RGS6: variants seen among roughly 807,000 people sequenced by gnomAD.
RGS6 encodes regulator of G-protein signaling 6.
RGS6 carries 30 observed loss-of-function variants against 78.5 expected under a neutral mutation model. That is an observed-to-expected ratio of 0.38 (90% CI 0.29 to 0.52). RGS6 has a LOEUF of 0.52. Among genes scored for constraint, RGS6 ranks in the 20% least tolerant of loss-of-function variants. The pLI is 0.85. For synonymous variants in RGS6, 206 were observed against 206.0 expected, an observed-to-expected ratio of 1.00 and a Z score of 0.00; for missense variants, 495 against 609.7, an observed-to-expected ratio of 0.81 and a Z score of 1.98.
chr14:72,255,477 G>T (rs2056876820), intron 2 of RGS6, among the ~76,000 whole-genome samples: 1 of 152,224 alleles, frequency 6.6e-6, no homozygotes, highest in Non-Finnish European at 1.5e-5. Flanking sequence ...TTACATTTAT[G>T]TTTCATTTTG....
chr14:72,269,668 G>T (rs147632590), intron 2 of RGS6, among the ~76,000 whole-genome samples: 1 of 149,764 alleles, frequency 6.7e-6, no homozygotes, highest in African/African-American at 2.5e-5. Context: ...GGGCTCAAGG[G>T]ATTCTCCTGC....
rs911633429 is a variant in RGS6 at position 72,062,747 on chromosome 14, G to T, written c.84+97872G>T. On this transcript the variant is annotated intron_variant, in intron 2 of 17. Transcript: ENST00000553525. Reference sequence around the variant, plus strand: ...GCATATGTGAGCCTGGACTTCAGGGGAAAGTTTAGGACTGGAGATAGGCGG... The same window carrying T: ...GCATATGTGAGCCTGGACTTCAGGGTAAAGTTTAGGACTGGAGATAGGCGG... Among the ~76,000 whole-genome samples the T allele has an allele frequency of 7.9e-5, 12 of 152,218 alleles. 1 individual carries two copies. Among genetic ancestry groups the T allele is most frequent in the African/African-American group, 2.4e-5 (1 of 41,460 alleles).
chr14:72,244,396 T>C (rs1458380995), intron 2 of RGS6, among the ~76,000 whole-genome samples: 1 of 152,106 alleles, frequency 6.6e-6, no homozygotes, highest in East Asian at 1.9e-4. Flanking sequence ...ACAGGGATGA[T>C]ATCATAGCCC....
At chr14:71,925,742 G>A in the RGS6 span, among the ~76,000 whole-genome samples, 3 of 86,900 alleles carry the variant, frequency 3.5e-5, no homozygotes, top group African/African-American at 1.8e-4. Flanking sequence ...TATATTATAA[G>A]GTTTATTTCC....
intron 2 of RGS6, among the ~76,000 whole-genome samples, chr14:72,302,387 A>G (rs1037469361): frequency 6.6e-6 from 1 of 152,228 alleles, no homozygotes; most frequent in Non-Finnish European, 1.5e-5. Context: ...GAGCATCACT[A>G]TATAAATTCT....
At chr14:72,478,367 AT>A in intron 12 of RGS6, 38 bp downstream of exon 12, 1 of 1,353,288 alleles carries the variant, frequency 7.4e-7, no homozygotes, top group Non-Finnish European at 1.1e-6. Context: ...CTTTCTTCTA[AT>A]TTAACAGGGA....
At chr14:72,123,439 C>G (rs1406731469) in intron 2 of RGS6, among the ~76,000 whole-genome samples, 1 of 152,084 alleles carries the variant, frequency 6.6e-6, no homozygotes, top group Non-Finnish European at 1.5e-5. Context: ...GAAGCTATTT[C>G]TTATTTCTCC....
intron 1 of RGS6, among the ~76,000 whole-genome samples, chr14:71,945,359 C>T (rs2159457): frequency 0.13 from 19,747 of 152,130 alleles, 1,572 homozygotes; most frequent in East Asian, 0.19. Flanking sequence ...CTGATTCATA[C>T]TAATTGTTTA....
chr14:72,278,696 C>T (rs1395568270), intron 2 of RGS6, among the ~76,000 whole-genome samples: 1 of 152,158 alleles, frequency 6.6e-6, no homozygotes, highest in Non-Finnish European at 1.5e-5. Flanking sequence ...GGTCTGCCAT[C>T]TTCATTAAGC....
intron 2 of RGS6, among the ~76,000 whole-genome samples, chr14:72,311,749 T>C (rs998157242): frequency 1.3e-5 from 2 of 152,146 alleles, no homozygotes; most frequent in African/African-American, 4.8e-5. Context: ...CACTGTTGGG[T>C]TTTATTGCCA....
chr14:72,276,458 G>A, intron 2 of RGS6, among the ~76,000 whole-genome samples: 1 of 152,144 alleles, frequency 6.6e-6, no homozygotes, highest in East Asian at 1.9e-4. Context: ...TCATATGGAG[G>A]TAGTTGGGAA....
chr14:72,332,187 G>T (rs1384207638), intron 2 of RGS6, among the ~76,000 whole-genome samples: 2 of 152,168 alleles, frequency 1.3e-5, no homozygotes, highest in African/African-American at 2.4e-5. Flanking sequence ...CCAGAACCAG[G>T]TCTCCTTGAG....
intron 2 of RGS6, among the ~76,000 whole-genome samples, chr14:72,096,678 C>G (rs1567196818): frequency 6.6e-6 from 1 of 152,114 alleles, no homozygotes; most frequent in Non-Finnish European, 1.5e-5. Context: ...CTCCATATGG[C>G]TTAGGCTTGT....
chr14:72,360,606 G>A (rs188070946), intron 3 of RGS6, among the ~76,000 whole-genome samples: 317 of 151,928 alleles, frequency 2.1e-3, no homozygotes, highest in African/African-American at 6.4e-3. Flanking sequence ...CAGATGTGAT[G>A]GGAGGTGGTG....
chr14:71,891,713 G>A, the RGS6 span, among the ~76,000 whole-genome samples: 3 of 152,156 alleles, frequency 2.0e-5, no homozygotes, highest in African/African-American at 7.2e-5. Flanking sequence ...GTCCTATACA[G>A]TCAGCCTTAA....
rs1238514885 is a variant in RGS6, at chr14:72,125,191, T to C, written c.84+160316T>C. 4.6e-5 allele frequency among the ~76,000 whole-genome samples: 7 copies of C among 152,118 alleles called. No homozygotes were observed. In the South Asian group the frequency reaches 6.2e-4, roughly 13 times the overall value. On this transcript the variant is annotated intron_variant, in intron 2 of 17. Coordinates refer to ENST00000553525, the MANE Select transcript of RGS6 (RefSeq NM_001204424.2). ...CCTAGCACCTCAGGAAAGCATGTGT[T>C]GTGTGGCTTCAAGGATAGGCATCCT...
At chr14:72,281,844 A>G (rs2061638553) in intron 2 of RGS6, among the ~76,000 whole-genome samples, 1 of 152,186 alleles carries the variant, frequency 6.6e-6, no homozygotes, top group Non-Finnish European at 1.5e-5. Context: ...AAAGGTAGAA[A>G]GGAGCTAGAT....
chr14:72,357,326 G>A (rs2080526203), intron 3 of RGS6, among the ~76,000 whole-genome samples: 1 of 152,076 alleles, frequency 6.6e-6, no homozygotes, highest in Non-Finnish European at 1.5e-5. Flanking sequence ...GCAGAGGAAG[G>A]AACAGTTTGA....
intron 1 of RGS6, among the ~76,000 whole-genome samples, chr14:71,956,410 A>G (rs894190367): frequency 1.3e-5 from 2 of 151,440 alleles, no homozygotes; most frequent in South Asian, 2.1e-4. Flanking sequence ...GTGTGTGTGT[A>G]TATATATGTA....
Sources: gnomAD v4.1 joint callset for allele counts (sites outside exome capture counted in the v4.1 genomes callset) on GRCh38, gnomAD v4.1.1 for gene constraint, MANE v1.5 for transcripts, NCBI Gene and HGNC (gene_info 2026-07-23, HGNC 2026-07-21) for gene names.